The following ARHGAP22 variants were observed in gnomAD, a reference collection of about 807,000 sequenced individuals.
ARHGAP22 encodes Rho GTPase activating protein 22, also known as rho GTPase-activating protein 22.
Under a neutral mutation model 59.1 loss-of-function variants are expected in ARHGAP22, and 48 were observed. The ratio of observed to expected loss-of-function variants is 0.81; its 90% confidence interval spans 0.64 to 1.03. The LOEUF is 1.03. Among genes scored for constraint, ARHGAP22 ranks in the 50% least tolerant of loss-of-function variants. The pLI is 0.00. For missense variants in ARHGAP22, 1,015 were observed against 958.7 expected (o/e 1.06, Z -0.78); for synonymous variants, 445 against 416.4 (o/e 1.07, Z -0.84).
intron 1 of ARHGAP22, among the ~76,000 whole-genome samples, chr10:48,585,787 G>A (rs1234911909): frequency 6.6e-6 from 1 of 152,212 alleles, no homozygotes; most frequent in Non-Finnish European, 1.5e-5. Context: ...CCTTGCCTTG[G>A]CTGTGTTTTG....
intron 1 of ARHGAP22, among the ~76,000 whole-genome samples, chr10:48,622,091 T>C (rs2061304677): frequency 1.3e-5 from 2 of 152,208 alleles, no homozygotes; most frequent in Admixed American, 1.3e-4. Flanking sequence ...TAAAAATCCA[T>C]CTTGCTTGTC....
rs115080625 is a variant in ARHGAP22, at chr10:48,629,772, A to G, written c.52+22462T>C. On this transcript the variant is annotated intron_variant, in intron 1 of 9. Coordinates refer to the ARHGAP22 transcript ENST00000435790. ...TTTTGATTGAGAATTCACTGAATCTATATAGATCAATTTGGGAACAATTGA... is the reference window on the plus strand; with the variant it reads ...TTTTGATTGAGAATTCACTGAATCTGTATAGATCAATTTGGGAACAATTGA... 5.1e-3 allele frequency among the ~76,000 whole-genome samples: 783 copies of G among 152,348 alleles called. 10 individuals are homozygous for G. The highest frequency in any genetic ancestry group is 0.018 in the African/African-American group (755 of 41,586).
In ARHGAP22 at chr10:48,475,718, A is replaced by G. The variant is rs185547564; in HGVS notation, c.451+3918T>C. On this transcript the variant is annotated intron_variant, in intron 4 of 9. Coordinates refer to ENST00000249601, the MANE Select transcript of ARHGAP22 (RefSeq NM_021226.4). ...CTGGGCCAGGCCACCCTCACCTCTC[A>G]CCTGCACTGTTGTGTAAGGAGCTCC... is the stretch of plus-strand genomic sequence containing the variant. Among the ~76,000 whole-genome samples the G allele has an allele frequency of 4.3e-4, 66 of 152,044 alleles. 2 individuals carry two copies. The East Asian group carries it at 0.012, about 27-fold the overall frequency.
At chr10:48,639,104 C>T (rs928568492) in intron 1 of ARHGAP22, among the ~76,000 whole-genome samples, 3 of 152,188 alleles carry the variant, frequency 2.0e-5, no homozygotes, top group East Asian at 1.9e-4. Flanking sequence ...AATTCCCATC[C>T]CACTTCTCTA....
At chr10:48,453,761 G>A (rs2046222998) in intron 7 of ARHGAP22, among the ~76,000 whole-genome samples, 1 of 152,228 alleles carries the variant, frequency 6.6e-6, no homozygotes, top group Admixed American at 6.5e-5. Flanking sequence ...TCTAGGATGG[G>A]GATACATGAA....
At chr10:48,645,977 C>G (rs534186408) in intron 1 of ARHGAP22, among the ~76,000 whole-genome samples, 6 of 152,070 alleles carry the variant, frequency 3.9e-5, no homozygotes, top group Admixed American at 1.3e-4. Flanking sequence ...TAAAAATCTG[C>G]TAGAACTAAT....
chr10:48,453,371 A>C lies in ARHGAP22; in HGVS notation c.921T>G (p.Asn307Lys). The C allele has an allele frequency of 1.2e-6, 2 of 1,614,094 alleles. No individual in the cohort carries two copies. Among genetic ancestry groups the C allele is most frequent in the Non-Finnish European group, 1.7e-6 (2 of 1,179,990 alleles). Reference sequence around the variant, plus strand: ...TGTTAGGTCCAAAAACGGTTGCCAGATTCTGGACACTCATCTTGTTGACAT... The same window carrying C: ...TGTTAGGTCCAAAAACGGTTGCCAGCTTCTGGACACTCATCTTGTTGACAT... ...YSNVNKMSVQ[N>K]LATVFGPNIL... Residue 307 changes from asparagine to lysine, a missense_variant, in exon 8 of 10, where the codon AAT (asparagine) becomes AAG (lysine). By Grantham distance (94) the Asn-to-Lys change is moderately conservative. Coordinates refer to ENST00000249601, the MANE Select transcript of ARHGAP22 (RefSeq NM_021226.4).
At chr10:48,634,744 C>T (rs2061747078) in intron 1 of ARHGAP22, among the ~76,000 whole-genome samples, 1 of 152,106 alleles carries the variant, frequency 6.6e-6, no homozygotes, top group African/African-American at 2.4e-5. Flanking sequence ...ATGATGAAGC[C>T]TAACCCCCAC....
At chr10:48,453,504 C>T (rs2046194347) in intron 7 of ARHGAP22, 79 bp from the exon 8 acceptor site, 1 of 1,583,904 alleles carries the variant, frequency 6.3e-7, no homozygotes, top group Non-Finnish European at 8.6e-7. Context: ...GGACGCACCG[C>T]CACACCCCTG....
chr10:48,625,588 T>C (rs2061420424), intron 1 of ARHGAP22, among the ~76,000 whole-genome samples: 2 of 152,166 alleles, frequency 1.3e-5, no homozygotes, highest in Non-Finnish European at 2.9e-5. Context: ...ATTTTCACCC[T>C]GAAACACTTT....
chr10:48,560,951 A>ATAGTGTCTTTGTCTTG (rs1263354887), intron 2 of ARHGAP22, among the ~76,000 whole-genome samples: 11 of 152,148 alleles, frequency 7.2e-5, no homozygotes, highest in Admixed American at 2.0e-4. Context: ...ATATTGATCT[A>ATAGTGTCTTTGTCTTG]TAGTGTCTTT....
At chr10:48,504,692 G>C (rs1001496577) in intron 3 of ARHGAP22, among the ~76,000 whole-genome samples, 3 of 152,208 alleles carry the variant, frequency 2.0e-5, no homozygotes, top group African/African-American at 7.2e-5. Context: ...GGCTCCGTGG[G>C]CTGAGGAGGG....
chr10:48,546,292 C>A (rs1277421402), intron 3 of ARHGAP22, among the ~76,000 whole-genome samples: 1 of 152,180 alleles, frequency 6.6e-6, no homozygotes, highest in African/African-American at 2.4e-5. Flanking sequence ...TTCTTGTAAG[C>A]CCCTCAGTTG....
intron 1 of ARHGAP22, among the ~76,000 whole-genome samples, chr10:48,603,719 C>G (rs1045152895): frequency 3.3e-5 from 5 of 152,198 alleles, no homozygotes; most frequent in Non-Finnish European, 5.9e-5. Flanking sequence ...CAGGGTTCAG[C>G]CCATGCGAAA....
chr10:48,435,056 G>A, the ARHGAP22 span: 7 of 1,214,550 alleles, frequency 5.8e-6, no homozygotes, highest in Non-Finnish European at 8.0e-6. Context: ...GGGGTGGGAG[G>A]GATGGGGAGT....
In ARHGAP22 at chr10:48,586,880, T is replaced by A. The variant is rs2059457281; in HGVS notation, c.35-3728A>T. ...AACTCAGTGGCATACAATCCTGGAGTCCTGGAGACCCAGAGCTACTGGGCC... is the reference window on the plus strand; with the variant it reads ...AACTCAGTGGCATACAATCCTGGAGACCTGGAGACCCAGAGCTACTGGGCC... On this transcript the variant is annotated intron_variant, in intron 1 of 9. Coordinates refer to ENST00000249601, the MANE Select transcript of ARHGAP22 (RefSeq NM_021226.4). Among the ~76,000 whole-genome samples the A allele has an allele frequency of 2.6e-5, 4 of 152,080 alleles. No individual in the cohort carries two copies. In the South Asian group the frequency reaches 8.3e-4, roughly 32 times the overall value.
intron 3 of ARHGAP22, among the ~76,000 whole-genome samples, chr10:48,499,828 G>A (rs374285423): frequency 4.6e-5 from 7 of 152,316 alleles, no homozygotes; most frequent in South Asian, 2.1e-4. Context: ...AGGAGAAACA[G>A]AAATGCATTC....
chr10:48,634,076 T>C (rs2061721478), intron 1 of ARHGAP22, among the ~76,000 whole-genome samples: 1 of 152,198 alleles, frequency 6.6e-6, no homozygotes, highest in South Asian at 2.1e-4. Context: ...AGCTCACCTG[T>C]TGAGAGAAGC....
At chr10:48,457,344 C>G (rs545606524) in intron 5 of ARHGAP22, among the ~76,000 whole-genome samples, 1 of 152,178 alleles carries the variant, frequency 6.6e-6, no homozygotes, top group Non-Finnish European at 1.5e-5. Context: ...AGGGCTCCTC[C>G]CTGAGCAGCC....
Sources: allele counts gnomAD v4.1 joint callset (sites outside exome capture counted in the v4.1 genomes callset), GRCh38; gene constraint gnomAD v4.1.1; transcripts MANE v1.5; gene names NCBI Gene and HGNC (gene_info 2026-07-23, HGNC 2026-07-21).